Variants in CGAS observed in about 807,000 individuals in gnomAD.
CGAS encodes cyclic GMP-AMP synthase, also known as 2'3'-cGAMP synthase.
Under a neutral mutation model 34.0 loss-of-function variants are expected in CGAS, and 31 were observed. The ratio of observed to expected loss-of-function variants is 0.91; its 90% confidence interval spans 0.69 to 1.23. CGAS has a LOEUF of 1.23. Ranked by LOEUF, CGAS falls within the 50% of genes most tolerant of loss-of-function variation. The probability of loss-of-function intolerance (pLI) is 0.00; values close to 1 mark genes in which losing one functional copy is unlikely to be tolerated. For missense variants in CGAS, 597 were observed against 657.6 expected, an observed-to-expected ratio of 0.91 and a Z score of 1.01; for synonymous variants, 266 against 260.0, an observed-to-expected ratio of 1.02 and a Z score of -0.22.
intron 3 of CGAS, among the ~76,000 whole-genome samples, chr6:73,435,640 A>C (rs911798178): frequency 4.6e-5 from 7 of 152,108 alleles, no homozygotes; most frequent in African/African-American, 1.7e-4. Flanking sequence ...TAATAAAATT[A>C]AAAAGAAAAA....
At chr6:73,449,508 C>CACACAA (rs569310062) in intron 1 of CGAS, among the ~76,000 whole-genome samples, 3 of 150,386 alleles carry the variant, frequency 2.0e-5, no homozygotes, top group Non-Finnish European at 4.4e-5. Flanking sequence ...CACACACACA[C>CACACAA]AAAGTGGTTC....
At chr6:73,443,562 CTT>C (rs1356934728) in intron 2 of CGAS, among the ~76,000 whole-genome samples, 2 of 152,086 alleles carry the variant, frequency 1.3e-5, no homozygotes, top group African/African-American at 4.8e-5. Flanking sequence ...ATGGAATTCT[CTT>C]CTTACCACTC....
chr6:73,425,782 C>T (rs143966438), intron 4 of CGAS, among the ~76,000 whole-genome samples: 1 of 151,178 alleles, frequency 6.6e-6, no homozygotes, highest in South Asian at 2.1e-4. Flanking sequence ...TGAGTCCAGC[C>T]TGACTAATAT....
chr6:73,443,369 G>C (rs185124641), intron 2 of CGAS, among the ~76,000 whole-genome samples: 1 of 150,928 alleles, frequency 6.6e-6, no homozygotes, highest in Non-Finnish European at 1.5e-5. Flanking sequence ...CTCCCAAGTA[G>C]CTGGGATTAC....
At chr6:73,431,278 G>A (rs576679543) in intron 3 of CGAS, among the ~76,000 whole-genome samples, 22 of 151,856 alleles carry the variant, frequency 1.4e-4, no homozygotes, top group Non-Finnish European at 5.9e-5. Flanking sequence ...GAGACCAGCC[G>A]GACCAACATG....
chr6:73,428,674 A>C (rs373020466), intron 4 of CGAS, 35 bp downstream of exon 4: 181 of 1,579,542 alleles, frequency 1.1e-4, no homozygotes, highest in Middle Eastern at 5.0e-4. Flanking sequence ...AGCATACCAT[A>C]GATAATCTGT....
rs150611894 is a variant in CGAS, at chr6:73,444,691, T to G, written c.877+837A>C. ...GCTTTGTATTTTAAAACATTTACTC[T>G]GGCTTCTAAGGACAGATATTATAAG... On this transcript the variant is annotated intron_variant, in intron 2 of 4. Transcript: ENST00000370315. Among the ~76,000 whole-genome samples, 447 of 152,288 alleles carry G rather than the reference T, an allele frequency of 2.9e-3. 2 individuals carry two copies. The highest frequency in any genetic ancestry group is 0.01 in the African/African-American group (426 of 41,556).
In CGAS at chr6:73,440,376, A is replaced by T; in HGVS notation, c.947T>A (p.Ile316Lys). The T allele has an allele frequency of 1.9e-6, 3 of 1,614,086 alleles. No homozygotes were observed. The highest frequency in any genetic ancestry group is 2.5e-6 in the Non-Finnish European group (3 of 1,180,022). The change falls in exon 3 of 5, where the codon ATA (isoleucine) becomes AAA (lysine). Residue 316 changes from isoleucine to lysine, a missense_variant. Around this residue, in one of 3 missense-constraint regions of CGAS, gnomAD observed 271 missense variants for 324.1 expected, o/e 0.84. Coordinates refer to ENST00000370315, the MANE Select transcript of CGAS (RefSeq NM_138441.3). The part of the protein sequence containing the change: ...PAVTLLISEK[I>K]SVDITLALES... Reference sequence around the variant, plus strand: ...CAAAGCCAGGGTTATATCCACAGATATTTTTTCACTAATAAGAAGTGTTAC... The same window carrying T: ...CAAAGCCAGGGTTATATCCACAGATTTTTTTTCACTAATAAGAAGTGTTAC...
chr6:73,440,469 G>T (rs756645355), intron 2 of CGAS, 24 bp from the exon 3 acceptor site: 2 of 1,556,284 alleles, frequency 1.3e-6, no homozygotes, highest in Admixed American at 1.9e-5. Context: ...TAAAAGAAAA[G>T]AAAGTATTTA....
chr6:73,444,457 T>C (rs1770436014), intron 2 of CGAS, among the ~76,000 whole-genome samples: 1 of 151,780 alleles, frequency 6.6e-6, no homozygotes, highest in Non-Finnish European at 1.5e-5. Flanking sequence ...TACAGACATG[T>C]GCCACCACAC....
chr6:73,425,527 C>T lies in CGAS; in HGVS notation c.1269G>A (p.Arg423=). ...MKYLLEQLKE[R]FKDKKHLDKF... is the part of the protein sequence containing the mutation. ...TATCCAGATGTTTTTTGTCTTTAAACCTTTCTTTCAGCTGTTCTAAAAGGT... is the reference window on the plus strand; with the variant it reads ...TATCCAGATGTTTTTTGTCTTTAAATCTTTCTTTCAGCTGTTCTAAAAGGT... Residue 423 remains arginine (R), a synonymous_variant, in exon 5 of 5, where the codon AGG becomes AGA. Coordinates refer to ENST00000370315, the MANE Select transcript of CGAS (RefSeq NM_138441.3). 2 of 1,610,518 alleles carry T rather than the reference C, an allele frequency of 1.2e-6. No homozygotes were observed. Among genetic ancestry groups the T allele is most frequent in the South Asian group, 1.1e-5 (1 of 90,222 alleles).
At chr6:73,448,292 C>T (rs1302594685) in intron 1 of CGAS, among the ~76,000 whole-genome samples, 1 of 152,112 alleles carries the variant, frequency 6.6e-6, no homozygotes, top group East Asian at 1.9e-4. Flanking sequence ...ACTCGGGAGG[C>T]TGAGGCAGGA....
intron 1 of CGAS, among the ~76,000 whole-genome samples, chr6:73,447,155 A>G (rs887321422): frequency 2.6e-5 from 4 of 152,270 alleles, no homozygotes; most frequent in African/African-American, 9.6e-5. Context: ...AATTTGAGGA[A>G]AAATGAACAC....
chr6:73,439,581 T>A (rs1770340486), intron 3 of CGAS, among the ~76,000 whole-genome samples: 2 of 152,102 alleles, frequency 1.3e-5, no homozygotes, highest in South Asian at 2.1e-4. Flanking sequence ...CAACTCAGTC[T>A]GTTTCTTGGA....
At chr6:73,448,572 T>C (rs1770506952) in intron 1 of CGAS, among the ~76,000 whole-genome samples, 1 of 152,156 alleles carries the variant, frequency 6.6e-6, no homozygotes, top group South Asian at 2.1e-4. Context: ...ACTTCCCATG[T>C]ATTTTCGAGA....
rs2150815939 is a variant in CGAS, at chr6:73,445,590, G to A, written c.815C>T (p.Ser272Leu). Residue 272 changes from serine (S) to leucine (L), a missense_variant, in exon 2 of 5, where the codon TCA becomes TTA. Ser to Leu is a moderately radical substitution (Grantham distance 145). Transcript: ENST00000370315. ...LSQFLEGEIL[S>L]ASKMLSKFRK... ...AAACTTTGACAGCATCTTAGAAGCT[G>A]ATAATATTTCACCTTCTAAAAACTG... The A allele has an allele frequency of 1.9e-6, 3 of 1,611,336 alleles. No individual in the cohort carries two copies. The East Asian group carries it at 6.7e-5, about 36-fold the overall frequency.
intron 2 of CGAS, among the ~76,000 whole-genome samples, chr6:73,441,607 A>G (rs1210232193): frequency 6.6e-6 from 1 of 152,098 alleles, no homozygotes; most frequent in African/African-American, 2.4e-5. Flanking sequence ...GCCAAGCTGA[A>G]CTTCATGAGA....
At chr6:73,429,683 G>A (rs763051583) in intron 3 of CGAS, among the ~76,000 whole-genome samples, 50 of 152,004 alleles carry the variant, frequency 3.3e-4, no homozygotes, top group South Asian at 1.9e-3. Flanking sequence ...AAAATTAGCC[G>A]GGCGTGGTGG....
intron 2 of CGAS, among the ~76,000 whole-genome samples, chr6:73,442,597 CTTT>C (rs66905880): frequency 1.5e-5 from 2 of 131,498 alleles, no homozygotes; most frequent in Non-Finnish European, 1.6e-5. Context: ...TTTTTTCTTT[CTTT>C]TTTTTTTTTT....
Sources: gnomAD v4.1 joint callset for allele counts (sites outside exome capture counted in the v4.1 genomes callset) on GRCh38, gnomAD v4.1.1 for gene constraint, gnomAD v4.1.1 regional missense constraint, MANE v1.5 for transcripts, NCBI Gene and HGNC (gene_info 2026-07-23, HGNC 2026-07-21) for gene names.